NPSR1: variants seen among roughly 807,000 people sequenced by gnomAD.
The protein encoded by NPSR1 is neuropeptide S receptor 1.
A neutral mutation model predicts 46.9 loss-of-function variants in NPSR1; 48 were observed. That is an observed-to-expected ratio of 1.02 (90% confidence interval 0.81 to 1.30). The LOEUF (loss-of-function observed/expected upper bound fraction) is 1.30. Ranked by LOEUF, NPSR1 falls within the 50% of genes most tolerant of loss-of-function variation. The pLI is 0.00. For synonymous variants in NPSR1, 176 were observed against 168.1 expected (o/e 1.05, Z -0.36); for missense variants, 450 against 449.5 (o/e 1.00, Z -0.01).
Position 34,813,097 on chromosome 7 carries a change from C to T in NPSR1, c.478+1234C>T, listed in dbSNP as rs575227456. On this transcript the variant is annotated intron_variant, in intron 4 of 8. Transcript: ENST00000360581. ...TCTTGGTATCTGCTCTGGAGAAACA[C>T]CCACACGTGTGCATGTATACATATG... 2.0e-5 allele frequency among the ~76,000 whole-genome samples: 3 copies of T among 152,176 alleles called. No homozygotes were observed. In the South Asian group the frequency reaches 6.2e-4, roughly 32 times the overall value.
At chr7:34,713,249 G>A (rs921624041) in intron 2 of NPSR1, among the ~76,000 whole-genome samples, 9 of 152,110 alleles carry the variant, frequency 5.9e-5, no homozygotes, top group African/African-American at 2.2e-4. Context: ...TAGAAACCAA[G>A]GACATAATCT....
At chr7:34,866,316 G>A (rs1475001358) in intron 8 of NPSR1, among the ~76,000 whole-genome samples, 1,782 of 111,750 alleles carry the variant, frequency 0.016, no homozygotes, top group African/African-American at 0.021. Context: ...TCAAAACCAT[G>A]AAACAGCAGG....
At chr7:34,703,278 G>C (rs1793933226) in intron 2 of NPSR1, among the ~76,000 whole-genome samples, 1 of 152,230 alleles carries the variant, frequency 6.6e-6, no homozygotes, top group Admixed American at 6.5e-5. Context: ...GGCTGAGGCG[G>C]GAGAATGGCG....
intron 2 of NPSR1, among the ~76,000 whole-genome samples, chr7:34,687,376 C>T (rs750118764): frequency 6.6e-6 from 1 of 152,066 alleles, no homozygotes; most frequent in Non-Finnish European, 1.5e-5. Context: ...AAGAAATTCT[C>T]GAGACTGGGT....
At chr7:34,700,269 C>T (rs950396594) in intron 2 of NPSR1, among the ~76,000 whole-genome samples, 4 of 152,072 alleles carry the variant, frequency 2.6e-5, no homozygotes, top group African/African-American at 9.7e-5. Flanking sequence ...CAAGATGTTC[C>T]CAGATGAATA....
intron 7 of NPSR1, among the ~76,000 whole-genome samples, chr7:34,847,658 A>G (rs996215635): frequency 6.6e-6 from 1 of 152,230 alleles, no homozygotes; most frequent in Non-Finnish European, 1.5e-5. Context: ...TCTCTTACTT[A>G]ACCTTTTTCT....
Position 34,848,464 on chromosome 7 carries a change from T to C in NPSR1, c.845-19T>C, listed in dbSNP as rs1266670702. 2 of 1,612,450 alleles carry C rather than the reference T, an allele frequency of 1.2e-6. No individual in the cohort carries two copies. Among genetic ancestry groups the C allele is most frequent in the Admixed American group, 1.7e-5 (1 of 59,978 alleles). On this transcript the variant is annotated intron_variant, in intron 7 of 8. Coordinates refer to ENST00000360581, the MANE Select transcript of NPSR1 (RefSeq NM_207172.2). ...CAACTGCTACCTGCTGTGATGCTAA[T>C]GGCTCTCTTCTCCCCCAGCCTTCAT...
Position 34,844,878 on chromosome 7 carries a change from C to G in NPSR1, c.758-18C>G, listed in dbSNP as rs1413976652. 6.7e-7 allele frequency: 1 copy of G among 1,490,342 alleles called. No individual in the cohort carries two copies. Among genetic ancestry groups the G allele is most frequent in the African/African-American group, 1.4e-5 (1 of 72,468 alleles). 92.3% of individuals were successfully genotyped at this position (1,490,342 alleles called of 1,614,324 possible). ...ATCTTGAACACTTCATCTTACTATT[C>G]CCCTCTTGTATCTACAGATGGGAAA... On this transcript the variant is annotated intron_variant, in intron 6 of 8. Transcript: ENST00000360581.
chr7:34,705,303 C>T (rs749143584), intron 2 of NPSR1, among the ~76,000 whole-genome samples: 52 of 151,660 alleles, frequency 3.4e-4, no homozygotes, highest in Admixed American at 5.9e-4. Flanking sequence ...GGTGCACGCC[C>T]GTAATACCAG....
intron 4 of NPSR1, among the ~76,000 whole-genome samples, chr7:34,825,150 C>G (rs1789762577): frequency 1.3e-5 from 2 of 152,170 alleles, no homozygotes; most frequent in South Asian, 4.1e-4. Context: ...TCCTACCGTT[C>G]TAGACCACCT....
chr7:34,740,932 A>C (rs1281757392), intron 2 of NPSR1, among the ~76,000 whole-genome samples: 2 of 152,246 alleles, frequency 1.3e-5, no homozygotes, highest in East Asian at 3.9e-4. Flanking sequence ...GTCCACCGTG[A>C]GCCTCTGTAA....
intron 2 of NPSR1, among the ~76,000 whole-genome samples, chr7:34,743,574 G>A (rs1473452963): frequency 6.6e-6 from 1 of 151,944 alleles, no homozygotes; most frequent in Non-Finnish European, 1.5e-5. Flanking sequence ...CGAGTAGCTG[G>A]GATTACAGGC....
At chr7:34,778,031 G>A (rs1009114936) in intron 2 of NPSR1, among the ~76,000 whole-genome samples, 1 of 152,070 alleles carries the variant, frequency 6.6e-6, no homozygotes, top group African/African-American at 2.4e-5. Context: ...AGAAACAAGA[G>A]GTCCAATTTG....
At chr7:34,851,543 C>A (rs534387932), downstream of NPSR1, among the ~76,000 whole-genome samples, 31 of 152,248 alleles carry the variant, frequency 2.0e-4, no homozygotes, top group South Asian at 6.0e-3. Flanking sequence ...AAATGCTTTT[C>A]AACATTTCAC....
chr7:34,842,451 C>A (rs542108736), intron 6 of NPSR1, among the ~76,000 whole-genome samples: 19 of 152,300 alleles, frequency 1.2e-4, no homozygotes, highest in African/African-American at 4.1e-4. Context: ...ACCCACTAGA[C>A]GCCAGTAGCA....
intron 2 of NPSR1, among the ~76,000 whole-genome samples, chr7:34,730,732 A>G (rs1221585492): frequency 2.6e-4 from 39 of 152,174 alleles, no homozygotes; most frequent in Non-Finnish European, 1.5e-5. Flanking sequence ...TTTTTATTAT[A>G]GCAACTATCA....
At chr7:34,725,891 G>C (rs764847240) in intron 2 of NPSR1, among the ~76,000 whole-genome samples, 22 of 152,256 alleles carry the variant, frequency 1.4e-4, no homozygotes, top group Middle Eastern at 3.4e-3. Context: ...CTGTTTCTGT[G>C]GTAGTGAATA....
chr7:34,792,320 A>G (rs1787916874), intron 3 of NPSR1, among the ~76,000 whole-genome samples: 1 of 151,910 alleles, frequency 6.6e-6, no homozygotes, highest in African/African-American at 2.4e-5. Context: ...CATACATATG[A>G]TAAAGGGTTA....
At chr7:34,662,372 A>G (rs1038425503) in intron 1 of NPSR1, among the ~76,000 whole-genome samples, 3 of 151,310 alleles carry the variant, frequency 2.0e-5, no homozygotes, top group African/African-American at 7.4e-5. Flanking sequence ...CTCTTCCTCC[A>G]TTAATATAAC....
Sources: allele counts gnomAD v4.1 joint callset (sites outside exome capture counted in the v4.1 genomes callset), GRCh38; gene constraint gnomAD v4.1.1; transcripts MANE v1.5; gene names NCBI Gene and HGNC (gene_info 2026-07-23, HGNC 2026-07-21).